Variants in OR1J2 observed in about 807,000 individuals in gnomAD.
The protein encoded by OR1J2 is olfactory receptor family 1 subfamily J member 2, also known as olfactory receptor 1J2.
For missense variants in OR1J2, 304 were observed against 246.1 expected (o/e 1.24, Z -1.57); for synonymous variants, 142 against 99.7 (o/e 1.42, Z -2.52).
the OR1J2 span, among the ~76,000 whole-genome samples, chr9:122,467,038 A>G: frequency 1.3e-5 from 2 of 151,968 alleles, no homozygotes; most frequent in African/African-American, 2.4e-5. Context: ...GCTTCAAACA[A>G]CTGGTCTCGA....
chr9:122,482,491 A>G, the OR1J2 span, among the ~76,000 whole-genome samples: 1 of 152,226 alleles, frequency 6.6e-6, no homozygotes, highest in Non-Finnish European at 1.5e-5. Flanking sequence ...TAGAACTACC[A>G]TATGATCCAG....
the OR1J2 span, among the ~76,000 whole-genome samples, chr9:122,529,483 C>A: frequency 6.6e-6 from 1 of 152,178 alleles, no homozygotes; most frequent in East Asian, 1.9e-4. Flanking sequence ...TGATCTAGGG[C>A]ACCAACTGCT....
the OR1J2 span, among the ~76,000 whole-genome samples, chr9:122,549,115 G>A: frequency 6.6e-6 from 1 of 152,024 alleles, no homozygotes; most frequent in South Asian, 2.1e-4. Context: ...CCCAATGTTG[G>A]ATGTGGGGCC....
At chr9:122,451,882 AT>A in the OR1J2 span, among the ~76,000 whole-genome samples, 415 of 150,668 alleles carry the variant, frequency 2.8e-3, 4 homozygotes, top group African/African-American at 9.5e-3. Context: ...CCAAGGAGTA[AT>A]TTTTTTTTTC....
chr9:122,463,329 C>T, the OR1J2 span, among the ~76,000 whole-genome samples: 1 of 152,164 alleles, frequency 6.6e-6, no homozygotes, highest in East Asian at 1.9e-4. Context: ...CCATTCATAT[C>T]CTGTATCTTT....
At chr9:122,489,428 A>G in the OR1J2 span, among the ~76,000 whole-genome samples, 1 of 152,124 alleles carries the variant, frequency 6.6e-6, no homozygotes, top group Non-Finnish European at 1.5e-5. Flanking sequence ...CCTGGGCTCC[A>G]GAGTCGGCCA....
chr9:122,494,513 T>C, the OR1J2 span, among the ~76,000 whole-genome samples: 18,833 of 152,146 alleles, frequency 0.12, 1,285 homozygotes, highest in South Asian at 0.17. Flanking sequence ...CTTGCTTGTT[T>C]TTGGTGTCCA....
At chr9:122,572,094 A>G in the OR1J2 span, among the ~76,000 whole-genome samples, 1 of 152,172 alleles carries the variant, frequency 6.6e-6, no homozygotes, top group Non-Finnish European at 1.5e-5. Flanking sequence ...GGGAGGCGCT[A>G]CACACTTTTT....
chr9:122,482,179 AC>A, the OR1J2 span, among the ~76,000 whole-genome samples: 2 of 152,120 alleles, frequency 1.3e-5, no homozygotes, highest in Non-Finnish European at 2.9e-5. Context: ...AAACAAACAA[AC>A]AAAAACAATA....
the OR1J2 span, among the ~76,000 whole-genome samples, chr9:122,576,300 C>A: frequency 6.6e-6 from 1 of 152,072 alleles, no homozygotes; most frequent in Non-Finnish European, 1.5e-5. Flanking sequence ...CAGCCCACTG[C>A]AACCTCCGCC....
the OR1J2 span, chr9:122,567,992 A>C: frequency 6.2e-7 from 1 of 1,614,088 alleles, no homozygotes; most frequent in South Asian, 1.1e-5. Context: ...GATTCAGCAG[A>C]AGTGTGTGCA....
the OR1J2 span, among the ~76,000 whole-genome samples, chr9:122,469,642 G>A: frequency 3.3e-5 from 5 of 152,180 alleles, no homozygotes; most frequent in African/African-American, 1.2e-4. Flanking sequence ...AGAACAGTTT[G>A]GAGGGCTCAG....
the OR1J2 span, chr9:122,553,198 A>G: frequency 6.8e-6 from 11 of 1,612,336 alleles, no homozygotes; most frequent in Non-Finnish European, 7.6e-6. Flanking sequence ...CGCAGATCAC[A>G]CGAACTACAA....
the OR1J2 span, among the ~76,000 whole-genome samples, chr9:122,452,354 G>A: frequency 1.3e-5 from 2 of 152,136 alleles, no homozygotes; most frequent in Non-Finnish European, 2.9e-5. Context: ...TTGCTCTGAG[G>A]GAGTAGCAGT....
chr9:122,476,159 G>A, the OR1J2 span, among the ~76,000 whole-genome samples: 3 of 152,356 alleles, frequency 2.0e-5, no homozygotes, highest in East Asian at 5.8e-4. Flanking sequence ...TGTTTGGGGA[G>A]AAAGGAAGTG....
the OR1J2 span, chr9:122,553,264 T>C: frequency 6.2e-7 from 1 of 1,613,882 alleles, no homozygotes; most frequent in Non-Finnish European, 8.5e-7. Context: ...TTCCTCCTTC[T>C]AGGACTCTCT....
the OR1J2 span, among the ~76,000 whole-genome samples, chr9:122,467,149 A>G: frequency 2.8e-3 from 430 of 152,206 alleles, no homozygotes; most frequent in African/African-American, 9.9e-3. Flanking sequence ...AACTGTGCTC[A>G]TTGATGCCAC....
the OR1J2 span, among the ~76,000 whole-genome samples, chr9:122,499,252 G>A: frequency 6.6e-6 from 1 of 152,252 alleles, no homozygotes; most frequent in Non-Finnish European, 1.5e-5. Context: ...GTGTGTCTAG[G>A]TGTGGAGCAG....
chr9:122,520,177 C>T, the OR1J2 span: 2,644 of 820,884 alleles, frequency 3.2e-3, 13 homozygotes, highest in Admixed American at 0.015. Context: ...TGCTCAGTAA[C>T]TCTCTGATGA....
Sources: allele counts gnomAD v4.1 joint callset (sites outside exome capture counted in the v4.1 genomes callset), GRCh38; gene constraint gnomAD v4.1.1; transcripts MANE v1.5; gene names NCBI Gene and HGNC (gene_info 2026-07-23, HGNC 2026-07-21).